Variants in C1QTNF1 observed in about 807,000 individuals in gnomAD.
C1QTNF1 encodes C1q and TNF related 1.
C1QTNF1 carries 22 observed loss-of-function variants against 27.8 expected under a neutral mutation model. The observed-to-expected ratio is 0.79, with a 90% CI of 0.56 to 1.13. The LOEUF (loss-of-function observed/expected upper bound fraction) is 1.13, where lower values mean the gene tolerates loss of function less well. Among genes scored for constraint, C1QTNF1 ranks in the 50% most tolerant of loss-of-function variants. The probability of loss-of-function intolerance (pLI) is 0.00; values close to 1 mark genes in which losing one functional copy is unlikely to be tolerated. For synonymous variants in C1QTNF1, 166 were observed against 154.3 expected (o/e 1.08, Z -0.56); for missense variants, 373 against 380.2 (o/e 0.98, Z 0.16).
intron 1 of C1QTNF1, among the ~76,000 whole-genome samples, chr17:79,038,690 T>C (rs1352242120): frequency 6.6e-6 from 1 of 152,180 alleles, no homozygotes; most frequent in Non-Finnish European, 1.5e-5. Flanking sequence ...GGCACTTCCC[T>C]GGAACTGCCT....
intron 1 of C1QTNF1, among the ~76,000 whole-genome samples, chr17:79,027,081 C>CGGGGG (rs111808388): frequency 8.1e-6 from 1 of 123,602 alleles, no homozygotes; most frequent in Non-Finnish European, 1.9e-5. Flanking sequence ...TGTTCCTGGG[C>CGGGGG]GGGGGGGGGC....
At position 79,048,399 on chromosome 17, in the gene C1QTNF1, G is replaced by A. The variant is rs192493129; in HGVS notation, c.*311G>A. On this transcript the variant is annotated 3_prime_UTR_variant, in exon 4 of 4. Transcript: ENST00000579760. ...GTGGCGGCAGGGCGTCCCAGGGTGC[G>A]GCACCGCGGCTCCAGTCCTTGGAAA... 1.0e-3 allele frequency: 325 copies of A among 326,626 alleles called. 2 individuals carry two copies. Among genetic ancestry groups the A allele is most frequent in the Middle Eastern group, 4.1e-3 (6 of 1,468 alleles). 20.2% of individuals were successfully genotyped at this position (326,626 alleles called of 1,614,324 possible). A position where few individuals can be genotyped will look rare whatever the true frequency, so the allele number is the denominator to read the frequency against.
rs775036302 is a variant in C1QTNF1, at chr17:79,046,727, C to G, written c.295+33C>G. 3 of 1,613,116 alleles carry G rather than the reference C, an allele frequency of 1.9e-6. No homozygotes were observed. In the African/African-American group the frequency reaches 4.0e-5, roughly 22 times the overall value. Reference sequence around the variant, plus strand: ...GGCTGCAAAGACAAGCACGGGGTGGCCGGGCTGCTCTGTGCTGATCCGGAG... The same window carrying G: ...GGCTGCAAAGACAAGCACGGGGTGGGCGGGCTGCTCTGTGCTGATCCGGAG... On this transcript the variant is annotated intron_variant, in intron 3 of 3. Transcript: ENST00000579760. This position sits in a 1 kb window ranked among gnomAD's most constrained non-coding sequence, Gnocchi z 4.8.
chr17:79,033,364 TG>T (rs2072185656), intron 1 of C1QTNF1, among the ~76,000 whole-genome samples: 1 of 151,944 alleles, frequency 6.6e-6, no homozygotes, highest in African/African-American at 2.4e-5. Context: ...AGGTCAGTGG[TG>T]GGGACATGGA....
intron 1 of C1QTNF1, among the ~76,000 whole-genome samples, chr17:79,042,183 C>T (rs1402002902): frequency 6.6e-6 from 1 of 152,216 alleles, no homozygotes; most frequent in Non-Finnish European, 1.5e-5. Flanking sequence ...TTAGAGTTGA[C>T]CACAGTCGCT....
At chr17:79,038,704 A>G (rs1023473980) in intron 1 of C1QTNF1, among the ~76,000 whole-genome samples, 15 of 152,126 alleles carry the variant, frequency 9.9e-5, no homozygotes, top group African/African-American at 3.4e-4. Flanking sequence ...ACTGCCTAAC[A>G]CATTCTTCCA....
chr17:79,028,875 C>G (rs2072047292), intron 1 of C1QTNF1, among the ~76,000 whole-genome samples: 1 of 140,010 alleles, frequency 7.1e-6, no homozygotes, highest in South Asian at 2.4e-4. Flanking sequence ...AAGCCCCTCA[C>G]ATTTTAAGGT....
upstream of C1QTNF1, among the ~76,000 whole-genome samples, chr17:79,023,533 G>A (rs554023938): frequency 1.3e-5 from 2 of 152,352 alleles, no homozygotes; most frequent in African/African-American, 4.8e-5. Context: ...AGGCCTGATA[G>A]AGACTGAGGA....
At chr17:79,035,804 A>G in intron 1 of C1QTNF1, among the ~76,000 whole-genome samples, 1 of 152,110 alleles carries the variant, frequency 6.6e-6, no homozygotes, top group East Asian at 1.9e-4. Context: ...TCCTTGGGAG[A>G]TGAATGTAAA....
intron 1 of C1QTNF1, among the ~76,000 whole-genome samples, chr17:79,031,566 C>G (rs897535524): frequency 3.9e-5 from 6 of 152,226 alleles, no homozygotes; most frequent in African/African-American, 1.4e-4. Flanking sequence ...CCTGCCTCAG[C>G]CTCCCGAGTA....
At chr17:79,038,388 G>A (rs2072316877) in intron 1 of C1QTNF1, among the ~76,000 whole-genome samples, 1 of 152,306 alleles carries the variant, frequency 6.6e-6, no homozygotes, top group Non-Finnish European at 1.5e-5. Flanking sequence ...CCCTCCTCCT[G>A]TAAAGGGGGA....
intron 1 of C1QTNF1, among the ~76,000 whole-genome samples, chr17:79,041,463 G>A (rs112352465): frequency 0.013 from 1,947 of 152,238 alleles, 54 homozygotes; most frequent in African/African-American, 0.043. Context: ...GCTCTGCGGG[G>A]AGCCCTTCAG....
chr17:79,025,366 G>A (rs1166565805), intron 1 of C1QTNF1, among the ~76,000 whole-genome samples: 3 of 152,140 alleles, frequency 2.0e-5, no homozygotes, highest in Non-Finnish European at 2.9e-5. Flanking sequence ...CCCTTGGGCC[G>A]ACTCATCCCT....
intron 1 of C1QTNF1, among the ~76,000 whole-genome samples, chr17:79,033,436 C>T (rs533165630): frequency 2.6e-5 from 4 of 152,108 alleles, no homozygotes; most frequent in South Asian, 2.1e-4. Flanking sequence ...AGGTCAGGCA[C>T]GGTGGCTTCA....
At chr17:79,043,316 G>A (rs551059349) in intron 1 of C1QTNF1, 3 of 453,572 alleles carry the variant, frequency 6.6e-6, no homozygotes, top group South Asian at 4.7e-5. Flanking sequence ...CATGTGAGTT[G>A]TGCATGTGTG....
At chr17:79,039,828 T>C (rs549269145) in intron 1 of C1QTNF1, among the ~76,000 whole-genome samples, 1 of 151,438 alleles carries the variant, frequency 6.6e-6, no homozygotes, top group South Asian at 2.1e-4. Context: ...TATGTATATA[T>C]GTATATATAT....
intron 1 of C1QTNF1, chr17:79,043,732 T>C (rs763960592): frequency 1.1e-5 from 7 of 646,708 alleles, no homozygotes; most frequent in Non-Finnish European, 2.0e-5. Flanking sequence ...TGTGTGCATG[T>C]GCGTGTGTGC....
At chr17:79,044,577 G>T (rs1266641490) in intron 2 of C1QTNF1, among the ~76,000 whole-genome samples, 1 of 152,206 alleles carries the variant, frequency 6.6e-6, no homozygotes. Context: ...TTATCACACT[G>T]CAGGACAGGA....
Position 79,046,612 on chromosome 17 carries a change from C to T in C1QTNF1, c.213C>T (p.Ser71=). Residue 71 remains serine, a synonymous_variant, in exon 3 of 4, where the codon TCC becomes TCT. Coordinates refer to ENST00000579760, the MANE Select transcript of C1QTNF1 (RefSeq NM_030968.5). The surrounding 1 kb of genome is among the most constrained non-coding windows in gnomAD (Gnocchi z 4.8). ...RPSQDQGLPA[S]RCLRCCDPGT... ...GTCAGGACCAGGGGCTCCCTGCTTC[C>T]CGGTGCTTGCGCTGCTGTGACCCCG... 10 of 1,614,230 alleles carry T rather than the reference C, an allele frequency of 6.2e-6. No homozygotes were observed. Among genetic ancestry groups the T allele is most frequent in the Non-Finnish European group, 8.5e-6 (10 of 1,180,038 alleles).
Sources: gnomAD v4.1 joint callset for allele counts (sites outside exome capture counted in the v4.1 genomes callset) on GRCh38, gnomAD v4.1.1 for gene constraint, Gnocchi (gnomAD v3.1) non-coding constraint, MANE v1.5 for transcripts, NCBI Gene and HGNC (gene_info 2026-07-23, HGNC 2026-07-21) for gene names.